The following MAGI1 variants were observed in gnomAD, a reference collection of about 807,000 sequenced individuals.
MAGI1 encodes the protein membrane associated guanylate kinase, WW and PDZ domain containing 1.
A neutral mutation model predicts 139.9 loss-of-function variants in MAGI1; 58 were observed. That is an observed-to-expected ratio of 0.41 (90% confidence interval 0.34 to 0.52). MAGI1 has a LOEUF of 0.52. Among genes scored for constraint, MAGI1 ranks in the 20% least tolerant of loss-of-function variants. The probability of loss-of-function intolerance (pLI) is 0.12; values close to 1 mark genes in which losing one functional copy is unlikely to be tolerated. For missense variants in MAGI1, 1,874 were observed against 1,901.6 expected (o/e 0.99, Z 0.27); for synonymous variants, 812 against 737.9 (o/e 1.10, Z -1.63).
At chr3:66,022,375 C>G (rs901968119) in intron 1 of MAGI1, among the ~76,000 whole-genome samples, 1 of 152,162 alleles carries the variant, frequency 6.6e-6, no homozygotes, top group African/African-American at 2.4e-5. Context: ...ATCCTATTTT[C>G]CCGATTTTTC....
intron 1 of MAGI1, among the ~76,000 whole-genome samples, chr3:65,650,520 G>A (rs2085519539): frequency 6.6e-6 from 1 of 152,196 alleles, no homozygotes; most frequent in South Asian, 2.1e-4. Flanking sequence ...TACTGAATGA[G>A]AAATGCCAAA....
chr3:65,592,579 G>A (rs1294014241), intron 2 of MAGI1, among the ~76,000 whole-genome samples: 1 of 152,116 alleles, frequency 6.6e-6, no homozygotes, highest in African/African-American at 2.4e-5. Context: ...GACTGAACAG[G>A]AGGTAGAGTG....
chr3:65,476,229 G>A (rs1319451211), intron 4 of MAGI1, among the ~76,000 whole-genome samples: 1 of 152,160 alleles, frequency 6.6e-6, no homozygotes, highest in East Asian at 1.9e-4. Context: ...TGTTGTAAGT[G>A]AGGGGACAGT....
chr3:65,723,869 G>C (rs577558517), intron 1 of MAGI1, among the ~76,000 whole-genome samples: 8 of 152,170 alleles, frequency 5.3e-5, no homozygotes, highest in African/African-American at 1.9e-4. Flanking sequence ...TTAATCTTTA[G>C]TGAGATTCAG....
At chr3:65,741,260 C>G (rs2035241850) in intron 1 of MAGI1, among the ~76,000 whole-genome samples, 1 of 151,906 alleles carries the variant, frequency 6.6e-6, no homozygotes, top group African/African-American at 2.4e-5. Flanking sequence ...CTGCAACCTC[C>G]GCCTCCCAGG....
At chr3:65,878,891 T>C (rs1043499882) in intron 1 of MAGI1, among the ~76,000 whole-genome samples, 1 of 151,838 alleles carries the variant, frequency 6.6e-6, no homozygotes, top group Non-Finnish European at 1.5e-5. Flanking sequence ...AGAGCAGAGG[T>C]GAGTATGGTT....
chr3:65,507,793 C>T (rs1160515609), intron 2 of MAGI1, among the ~76,000 whole-genome samples: 1 of 152,146 alleles, frequency 6.6e-6, no homozygotes, highest in Non-Finnish European at 1.5e-5. Context: ...ACAACTATAG[C>T]TCATTTTATG....
intron 2 of MAGI1, among the ~76,000 whole-genome samples, chr3:65,589,360 C>A (rs1031786694): frequency 1.3e-5 from 2 of 152,144 alleles, no homozygotes; most frequent in African/African-American, 4.8e-5. Context: ...TTGCATGCCC[C>A]TTGTGACTTT....
At chr3:65,365,740 A>C (rs1484089600) in intron 18 of MAGI1, among the ~76,000 whole-genome samples, 1 of 152,222 alleles carries the variant, frequency 6.6e-6, no homozygotes, top group Non-Finnish European at 1.5e-5. Flanking sequence ...CATTTAATTC[A>C]GTGCACCATC....
chr3:65,947,258 A>C (rs1000905950), intron 1 of MAGI1, among the ~76,000 whole-genome samples: 6 of 152,320 alleles, frequency 3.9e-5, no homozygotes, highest in Admixed American at 3.9e-4. Context: ...ATGCTAAGAT[A>C]ATAGGCCCCT....
At chr3:65,662,965 A>C (rs1424848396) in intron 1 of MAGI1, among the ~76,000 whole-genome samples, 1 of 152,056 alleles carries the variant, frequency 6.6e-6, no homozygotes, top group East Asian at 1.9e-4. Context: ...TTCAGTTGTG[A>C]GCAGGGCATG....
At chr3:65,374,966 C>T (rs1171223175) in intron 18 of MAGI1, among the ~76,000 whole-genome samples, 1 of 152,136 alleles carries the variant, frequency 6.6e-6, no homozygotes, top group Admixed American at 6.5e-5. Context: ...CTTAGATTCT[C>T]CCATTAAATG....
chr3:65,949,625 C>A (rs1192361186), intron 1 of MAGI1, among the ~76,000 whole-genome samples: 2 of 152,194 alleles, frequency 1.3e-5, no homozygotes, highest in Admixed American at 1.3e-4. Flanking sequence ...AACTTTCTCT[C>A]CAAAGTGCTA....
chr3:65,362,504 T>C (rs1021736221), intron 21 of MAGI1, among the ~76,000 whole-genome samples: 2 of 152,196 alleles, frequency 1.3e-5, no homozygotes, highest in African/African-American at 4.8e-5. Context: ...TGGTATACTG[T>C]TTGGCCCTGG....
chr3:65,426,741 C>T (rs1195244664), intron 12 of MAGI1, among the ~76,000 whole-genome samples: 2 of 152,242 alleles, frequency 1.3e-5, no homozygotes, highest in Non-Finnish European at 2.9e-5. Context: ...TATTTATATG[C>T]CTTCCAGAAA....
At chr3:65,836,312 G>C (rs772380408) in intron 1 of MAGI1, among the ~76,000 whole-genome samples, 2 of 152,218 alleles carry the variant, frequency 1.3e-5, no homozygotes, top group Non-Finnish European at 2.9e-5. Flanking sequence ...TGATATGTTG[G>C]ATGGTAACAA....
intron 1 of MAGI1, among the ~76,000 whole-genome samples, chr3:65,977,075 G>A (rs1247111343): frequency 1.3e-5 from 2 of 152,112 alleles, no homozygotes; most frequent in African/African-American, 2.4e-5. Context: ...AAAGCACCCT[G>A]GGCTTTTTAG....
chr3:65,689,967 G>A (rs1324570323), intron 1 of MAGI1, among the ~76,000 whole-genome samples: 1 of 152,106 alleles, frequency 6.6e-6, no homozygotes, highest in Non-Finnish European at 1.5e-5. Flanking sequence ...CTGGGGATCT[G>A]TATCCCGTGC....
chr3:65,818,451 G>T (rs1278919938), intron 1 of MAGI1, among the ~76,000 whole-genome samples: 1 of 152,134 alleles, frequency 6.6e-6, no homozygotes, highest in Non-Finnish European at 1.5e-5. Flanking sequence ...AACAAATAGG[G>T]GGGTCCAACC....
Sources: gnomAD v4.1 joint callset for allele counts (sites outside exome capture counted in the v4.1 genomes callset) on GRCh38, gnomAD v4.1.1 for gene constraint, MANE v1.5 for transcripts, NCBI Gene and HGNC (gene_info 2026-07-23, HGNC 2026-07-21) for gene names.